The following PTPRD variants were observed in gnomAD, a reference collection of about 807,000 sequenced individuals.
PTPRD encodes receptor-type tyrosine-protein phosphatase delta.
PTPRD carries 34 observed loss-of-function variants against 214.5 expected under a neutral mutation model. The ratio of observed to expected loss-of-function variants is 0.16; its 90% CI spans 0.12 to 0.21. The LOEUF (loss-of-function observed/expected upper bound fraction) is 0.21. PTPRD is among the 10% of genes least tolerant of loss of function. PTPRD has a pLI of 1.00. For missense variants in PTPRD, 2,545 were observed against 2,398.7 expected, an observed-to-expected ratio of 1.06 and a Z score of -1.27; for synonymous variants, 1,128 against 845.7, an observed-to-expected ratio of 1.33 and a Z score of -5.79.
rs147594522 is a variant in PTPRD, at chr9:10,017,027, C to T, written c.-472+16691G>A. 1.3e-4 allele frequency among the ~76,000 whole-genome samples: 20 copies of T among 152,220 alleles called. No individual in the cohort carries two copies. In the East Asian group the frequency reaches 3.9e-3, roughly 29 times the overall value. On this transcript the variant is annotated intron_variant, in intron 4 of 45. Coordinates refer to ENST00000381196, the MANE Select transcript of PTPRD (RefSeq NM_002839.4). ...AGAAGTTTGTGTCACGGTTGAAACA[C>T]CTTTAGTCTCATAAGAAAATATCAA...
At chr9:10,528,822 G>C (rs907861545) in intron 2 of PTPRD, among the ~76,000 whole-genome samples, 3 of 152,036 alleles carry the variant, frequency 2.0e-5, no homozygotes, top group African/African-American at 7.2e-5. Flanking sequence ...AACATTAAAT[G>C]ATGTTTTTAT....
intron 7 of PTPRD, among the ~76,000 whole-genome samples, chr9:9,650,139 A>G (rs2096296674): frequency 6.6e-6 from 1 of 152,108 alleles, no homozygotes; most frequent in Non-Finnish European, 1.5e-5. Context: ...ATGAGATCTG[A>G]AGGTTTAAAA....
At chr9:10,442,665 G>A (rs1310104085) in intron 2 of PTPRD, among the ~76,000 whole-genome samples, 2 of 151,552 alleles carry the variant, frequency 1.3e-5, no homozygotes, top group Non-Finnish European at 3.0e-5. Flanking sequence ...TGCAAGAAAT[G>A]TTCATTTGAA....
chr9:10,159,080 T>A (rs1346636895), intron 3 of PTPRD, among the ~76,000 whole-genome samples: 24 of 151,930 alleles, frequency 1.6e-4, no homozygotes, highest in Admixed American at 1.6e-3. Flanking sequence ...CTTTGGAATA[T>A]CCCCCATTCC....
intron 3 of PTPRD, among the ~76,000 whole-genome samples, chr9:10,221,617 T>C (rs1203985748): frequency 6.6e-6 from 1 of 152,004 alleles, no homozygotes; most frequent in Non-Finnish European, 1.5e-5. Context: ...CTACATACAA[T>C]GTCTTTATAT....
At chr9:9,796,059 G>C (rs1033023334) in intron 5 of PTPRD, among the ~76,000 whole-genome samples, 1 of 151,874 alleles carries the variant, frequency 6.6e-6, no homozygotes, top group Non-Finnish European at 1.5e-5. Flanking sequence ...GTATTTTTCA[G>C]TTTTTTTAAT....
At chr9:9,631,037 A>G (rs1285891530) in intron 7 of PTPRD, among the ~76,000 whole-genome samples, 1 of 152,030 alleles carries the variant, frequency 6.6e-6, no homozygotes, top group Admixed American at 6.6e-5. Flanking sequence ...GGTAGGCATG[A>G]CTCTGTCATT....
intron 9 of PTPRD, among the ~76,000 whole-genome samples, chr9:9,363,469 G>A (rs1056218452): frequency 6.6e-6 from 1 of 151,274 alleles, no homozygotes; most frequent in South Asian, 2.1e-4. Flanking sequence ...ATGAGTTGTA[G>A]CATTTTATTT....
At chr9:9,280,985 A>AT (rs1040669320) in intron 9 of PTPRD, among the ~76,000 whole-genome samples, 17 of 151,312 alleles carry the variant, frequency 1.1e-4, no homozygotes, top group African/African-American at 4.1e-4. Flanking sequence ...TAATCAAGTA[A>AT]TTTTTGACAA....
intron 6 of PTPRD, among the ~76,000 whole-genome samples, chr9:9,761,489 T>C (rs935034299): frequency 6.6e-6 from 1 of 152,118 alleles, no homozygotes; most frequent in African/African-American, 2.4e-5. Flanking sequence ...TGGGGTAGGA[T>C]ACTTAAACTT....
At chr9:8,867,212 C>T (rs1050325023) in intron 11 of PTPRD, among the ~76,000 whole-genome samples, 3 of 152,050 alleles carry the variant, frequency 2.0e-5, no homozygotes, top group Non-Finnish European at 4.4e-5. Flanking sequence ...TCCTTCTCTC[C>T]TTTTGTTCTC....
chr9:9,019,336 G>GAAAGAAAGAAAGAAAGAA (rs1303079498), intron 10 of PTPRD, among the ~76,000 whole-genome samples: 8 of 18,802 alleles, frequency 4.3e-4, no homozygotes, highest in African/African-American at 1.0e-3. Flanking sequence ...AAGAAAGAAA[G>GAAAGAAAGAAAGAAAGAA]AACGAAAGAA....
At chr9:8,787,498 A>C (rs1006711976) in intron 11 of PTPRD, among the ~76,000 whole-genome samples, 7 of 152,122 alleles carry the variant, frequency 4.6e-5, no homozygotes, top group African/African-American at 1.7e-4. Context: ...TAGTCTATTA[A>C]TGTCTAGGAC....
intron 14 of PTPRD, among the ~76,000 whole-genome samples, chr9:8,548,946 C>A (rs2081166779): frequency 6.6e-6 from 1 of 151,990 alleles, no homozygotes; most frequent in Non-Finnish European, 1.5e-5. Context: ...CTGCCTCGGC[C>A]TCACAAAGTG....
intron 45 of PTPRD, 37 bp downstream of exon 45, chr9:8,319,794 G>T (rs2130690216): frequency 4.3e-6 from 7 of 1,610,304 alleles, no homozygotes; most frequent in Non-Finnish European, 5.9e-6. Context: ...CAAAACGTAG[G>T]CTCTTGAGAT....
At chr9:9,198,513 T>G (rs2099939979) in intron 9 of PTPRD, among the ~76,000 whole-genome samples, 1 of 152,076 alleles carries the variant, frequency 6.6e-6, no homozygotes, top group South Asian at 2.1e-4. Flanking sequence ...TATTTTACTG[T>G]TTCTCTGCTG....
chr9:8,925,183 A>G (rs569082285), intron 11 of PTPRD, among the ~76,000 whole-genome samples: 9 of 151,966 alleles, frequency 5.9e-5, no homozygotes, highest in Non-Finnish European at 8.8e-5. Flanking sequence ...ATTACTCCCT[A>G]TGTGATGATG....
At chr9:8,837,560 T>C (rs566156786) in intron 11 of PTPRD, among the ~76,000 whole-genome samples, 4 of 152,206 alleles carry the variant, frequency 2.6e-5, no homozygotes, top group Non-Finnish European at 5.9e-5. Flanking sequence ...TGGAGTACAG[T>C]AGCACAATCG....
chr9:9,515,014 T>A (rs2096799736), intron 8 of PTPRD, among the ~76,000 whole-genome samples: 2 of 152,104 alleles, frequency 1.3e-5, no homozygotes, highest in African/African-American at 4.8e-5. Context: ...ATTTTATCAT[T>A]TCTTGACTTC....
Sources: gnomAD v4.1 joint callset for allele counts (sites outside exome capture counted in the v4.1 genomes callset) on GRCh38, gnomAD v4.1.1 for gene constraint, MANE v1.5 for transcripts, NCBI Gene and HGNC (gene_info 2026-07-23, HGNC 2026-07-21) for gene names.